C5orf24: variants seen among roughly 807,000 people sequenced by gnomAD.
The protein encoded by C5orf24 is UPF0461 protein C5orf24.
In C5orf24, 4 loss-of-function variants were observed where a neutral mutation model predicts 9.8. The ratio of observed to expected loss-of-function variants is 0.41; its 90% CI spans 0.20 to 0.93. The LOEUF (loss-of-function observed/expected upper bound fraction) is 0.93, where lower values mean the gene tolerates loss of function less well. Among genes scored for constraint, C5orf24 ranks in the 40% least tolerant of loss-of-function variants. The pLI is 0.33. For synonymous variants in C5orf24, 73 were observed against 81.3 expected (o/e 0.90, Z 0.55); for missense variants, 170 against 236.9 (o/e 0.72, Z 1.85).
chr5:134,859,659 T>A lies in C5orf24; in HGVS notation c.*4192T>A, dbSNP rs1346914678. 6.0e-6 allele frequency: 1 copy of A among 167,044 alleles called. No homozygotes were observed. The highest frequency in any genetic ancestry group is 1.5e-5 in the Non-Finnish European group (1 of 68,112). The allele number at this position is 167,044 out of a possible 1,614,324, so 10.3% of individuals were successfully genotyped here. A position where few individuals can be genotyped will look rare whatever the true frequency, so the allele number is the denominator to read the frequency against. ...TCGTGTGCAATTATGTGTATGGGAATGGAGTAGTGTTCATGATTTGTATCT... is the reference window on the plus strand; with the variant it reads ...TCGTGTGCAATTATGTGTATGGGAAAGGAGTAGTGTTCATGATTTGTATCT... On this transcript the variant is annotated 3_prime_UTR_variant, in exon 2 of 2. Transcript: ENST00000394976.
At chr5:134,842,248 G>C (rs543794337), upstream of C5orf24, among the ~76,000 whole-genome samples, 2 of 152,206 alleles carry the variant, frequency 1.3e-5, no homozygotes, top group South Asian at 2.1e-4. Flanking sequence ...CCAGCACTTT[G>C]GGAGGCCGAG....
chr5:134,847,106 GAA>G (rs1163182161), intron 1 of C5orf24, among the ~76,000 whole-genome samples: 6 of 152,172 alleles, frequency 3.9e-5, no homozygotes, highest in Non-Finnish European at 5.9e-5. Context: ...CAAGAGAAGA[GAA>G]AGGAATTGTT....
chr5:134,852,444 A>G (rs1756183388), intron 1 of C5orf24, among the ~76,000 whole-genome samples: 1 of 152,210 alleles, frequency 6.6e-6, no homozygotes, highest in Non-Finnish European at 1.5e-5. Flanking sequence ...CAAATGTTTC[A>G]TAATTTAACA....
chr5:134,845,780 C>G (rs562835914), upstream of C5orf24: 2 of 152,388 alleles, frequency 1.3e-5, no homozygotes, highest in East Asian at 3.9e-4. Flanking sequence ...TTCCTCAACC[C>G]CAGCCACTGG....
intron 1 of C5orf24, among the ~76,000 whole-genome samples, chr5:134,852,045 A>G (rs766237937): frequency 6.6e-6 from 1 of 152,194 alleles, no homozygotes; most frequent in Non-Finnish European, 1.5e-5. Context: ...GGTTCAACCA[A>G]TTCTCCTGCC....
Position 134,855,522 on chromosome 5 carries a change from G to A in C5orf24, c.*55G>A, listed in dbSNP as rs143589903. On this transcript the variant is annotated 3_prime_UTR_variant, in exon 2 of 2. Coordinates refer to ENST00000394976, the MANE Select transcript of C5orf24 (RefSeq NM_001135586.1). ...AAGGAAGATTGTGAATAATCCCAAA[G>A]CTTCTTGGTTTTATTTTGATATACA... is the stretch of plus-strand genomic sequence containing the variant. The A allele has an allele frequency of 4.8e-5, 76 of 1,588,594 alleles. 1 individual carries two copies. The East Asian group carries it at 1.1e-3, about 23-fold the overall frequency.
chr5:134,850,375 G>A (rs1280470369), intron 1 of C5orf24, among the ~76,000 whole-genome samples: 1 of 151,934 alleles, frequency 6.6e-6, no homozygotes, highest in African/African-American at 2.4e-5. Flanking sequence ...TCAAACTCCC[G>A]ACCTCAGGTG....
intron 1 of C5orf24, among the ~76,000 whole-genome samples, chr5:134,847,705 AT>A (rs57323019): frequency 0.35 from 47,683 of 134,844 alleles, 8,624 homozygotes; most frequent in East Asian, 0.64. Context: ...TATTCATCCT[AT>A]TTTTTTTTTT....
chr5:134,835,106 T>A, the C5orf24 span, among the ~76,000 whole-genome samples: 1 of 151,680 alleles, frequency 6.6e-6, no homozygotes, highest in Non-Finnish European at 1.5e-5. Flanking sequence ...CTCAGGAGGC[T>A]GAGGCATGAG....
chr5:134,855,417 G>C lies in C5orf24; in HGVS notation c.517G>C (p.Val173Leu). 1 of 1,614,218 alleles carries C rather than the reference G, an allele frequency of 6.2e-7. No individual in the cohort carries two copies. Among genetic ancestry groups the C allele is most frequent in the Non-Finnish European group, 8.5e-7 (1 of 1,180,036 alleles). The change falls in exon 2 of 2, where the codon GTT becomes CTT. Residue 173 changes from valine to leucine, a missense_variant. Physicochemically the swap from Val to Leu is conservative, Grantham distance 32 (BLOSUM62 1). This residue lies in a region of C5orf24 where 56 missense variants were observed against 60.3 expected (regional missense o/e 0.93). Coordinates refer to ENST00000394976, the MANE Select transcript of C5orf24 (RefSeq NM_001135586.1). ...TTACCCTATGATGCATGGCAGAGCAGTTCATGGGGTAGAGGAAACTAGCAG... is the reference window on the plus strand; with the variant it reads ...TTACCCTATGATGCATGGCAGAGCACTTCATGGGGTAGAGGAAACTAGCAG... ...FPYPMMHGRA[V>L]HGVEETSSEV... is the part of the protein sequence containing the mutation.
chr5:134,845,132 T>C (rs1012415324), upstream of C5orf24, among the ~76,000 whole-genome samples: 1 of 152,226 alleles, frequency 6.6e-6, no homozygotes, highest in Non-Finnish European at 1.5e-5. Flanking sequence ...CTTGCTTGTT[T>C]CGTGTGTTGT....
the C5orf24 span, among the ~76,000 whole-genome samples, chr5:134,837,400 C>T: frequency 2.4e-3 from 368 of 152,172 alleles, no homozygotes; most frequent in African/African-American, 8.4e-3. Flanking sequence ...TAGTGCCTGG[C>T]ATATGGTAAG....
chr5:134,839,378 C>T, the C5orf24 span, among the ~76,000 whole-genome samples: 7 of 152,136 alleles, frequency 4.6e-5, no homozygotes, highest in Non-Finnish European at 1.0e-4. Flanking sequence ...TTCAGTTTTG[C>T]ATTTAATAAA....
intron 1 of C5orf24, among the ~76,000 whole-genome samples, chr5:134,853,038 G>A (rs1423128747): frequency 1.3e-5 from 2 of 152,098 alleles, no homozygotes; most frequent in East Asian, 1.9e-4. Context: ...GGTGGCGGGT[G>A]CCTGTAGTCC....
intron 1 of C5orf24, among the ~76,000 whole-genome samples, chr5:134,849,599 A>G (rs1427857941): frequency 6.7e-6 from 1 of 148,950 alleles, no homozygotes; most frequent in Non-Finnish European, 1.5e-5. Flanking sequence ...GGGAAGGAAT[A>G]TATAGAACAT....
chr5:134,848,203 C>T (rs1386510089), intron 1 of C5orf24, among the ~76,000 whole-genome samples: 2 of 151,662 alleles, frequency 1.3e-5, no homozygotes, highest in Admixed American at 6.6e-5. Context: ...CCCAGCTACT[C>T]GGGAAGCTGA....
rs1756349226 is a variant in C5orf24 at position 134,857,668 on chromosome 5, CT to C, written c.*2204del. On this transcript the variant is annotated 3_prime_UTR_variant, in exon 2 of 2. Transcript: ENST00000394976. The stretch of plus-strand genomic sequence containing the variant: ...TTCTGACACACACAAATGCTTGCCT[CT>C]TTATTCATATGTTCGTTACCTACTC... 1 of 342,786 alleles carries C rather than the reference CT, an allele frequency of 2.9e-6. No individual in the cohort carries two copies. Among genetic ancestry groups the C allele is most frequent in the African/African-American group, 2.1e-5 (1 of 47,126 alleles). The allele number at this position is 342,786 out of a possible 1,614,324, so 21.2% of individuals were successfully genotyped here. A position where few individuals can be genotyped will look rare whatever the true frequency, so the allele number is the denominator to read the frequency against.
At chr5:134,847,840 CAGGCACCCGCCACCA>C (rs1358474122) in intron 1 of C5orf24, among the ~76,000 whole-genome samples, 4 of 151,908 alleles carry the variant, frequency 2.6e-5, no homozygotes, top group African/African-American at 9.7e-5. Flanking sequence ...GCTGGAGTTA[CAGGCACCCGCCACCA>C]TGCCTGACTA....
upstream of C5orf24, among the ~76,000 whole-genome samples, chr5:134,845,451 CTGAT>C (rs1755965144): frequency 6.6e-6 from 1 of 152,154 alleles, no homozygotes; most frequent in South Asian, 2.1e-4. Flanking sequence ...TGTGAGGTGA[CTGAT>C]ATGTCAGATA....
Sources: gnomAD v4.1 joint callset for allele counts (sites outside exome capture counted in the v4.1 genomes callset) on GRCh38, gnomAD v4.1.1 for gene constraint, gnomAD v4.1.1 regional missense constraint, MANE v1.5 for transcripts, NCBI Gene and HGNC (gene_info 2026-07-23, HGNC 2026-07-21) for gene names.